The following PBX1 variants were observed in gnomAD, a reference collection of about 807,000 sequenced individuals.
PBX1 encodes PBX homeobox 1.
PBX1 carries 6 observed loss-of-function variants against 53.4 expected under a neutral mutation model. The ratio of observed to expected loss-of-function variants is 0.11; its 90% confidence interval spans 0.06 to 0.22. PBX1 has a LOEUF of 0.22. Ranked by LOEUF, PBX1 falls within the 10% of genes least tolerant of loss-of-function variation. PBX1 has a pLI of 1.00. For missense variants in PBX1, 251 were observed against 551.4 expected (o/e 0.46, Z 5.46); for synonymous variants, 204 against 212.3 (o/e 0.96, Z 0.34).
chr1:164,651,118 C>T (rs1178262213), intron 2 of PBX1, among the ~76,000 whole-genome samples: 1 of 152,186 alleles, frequency 6.6e-6, no homozygotes, highest in African/African-American at 2.4e-5. Context: ...CAACATTAAA[C>T]TGATAAATGA....
rs572796975 is a variant in PBX1, at chr1:164,835,584, T to A, written c.1201-11000T>A. On this transcript the variant is annotated intron_variant, in intron 8 of 8. Transcript: ENST00000420696. ...CTAGTGCGATTGAACATTTTTTATATGTTTATTGGCCTTTTGTACATATTC... is the reference window on the plus strand; with the variant it reads ...CTAGTGCGATTGAACATTTTTTATAAGTTTATTGGCCTTTTGTACATATTC... 2.0e-5 allele frequency among the ~76,000 whole-genome samples: 3 copies of A among 152,324 alleles called. No homozygotes were observed. The East Asian group carries it at 5.8e-4, about 29-fold the overall frequency.
chr1:164,849,280 T>C lies in PBX1; in HGVS notation c.*2604T>C. On this transcript the variant is annotated 3_prime_UTR_variant, in exon 9 of 9. Transcript: ENST00000420696. ...CTCTCCGGGCCGTAGTTTTCACTGATGATCACCTTTCACAGCATTTTCCCC... is the reference window on the plus strand; with the variant it reads ...CTCTCCGGGCCGTAGTTTTCACTGACGATCACCTTTCACAGCATTTTCCCC... 1.3e-6 allele frequency: 2 copies of C among 1,533,390 alleles called. No homozygotes were observed. Among genetic ancestry groups the C allele is most frequent in the Non-Finnish European group, 1.7e-6 (2 of 1,145,236 alleles). The allele number at this position is 1,533,390 out of a possible 1,614,324, so 95.0% of individuals were successfully genotyped here. A position where few individuals can be genotyped will look rare whatever the true frequency, so the allele number is the denominator to read the frequency against.
At chr1:164,732,005 C>T (rs1170264233) in intron 2 of PBX1, among the ~76,000 whole-genome samples, 2 of 152,094 alleles carry the variant, frequency 1.3e-5, no homozygotes, top group East Asian at 3.9e-4. Context: ...CAGTGGGCAG[C>T]CAGAAGAACA....
intron 2 of PBX1, among the ~76,000 whole-genome samples, chr1:164,590,787 C>G (rs1248509699): frequency 6.6e-6 from 1 of 151,832 alleles, no homozygotes; most frequent in Non-Finnish European, 1.5e-5. Context: ...GTTGAAGATT[C>G]AGGATATTAA....
intron 2 of PBX1, among the ~76,000 whole-genome samples, chr1:164,790,753 TTTTGCTGCCTGTTGGCAGCC>T (rs1668460164): frequency 1.3e-5 from 2 of 152,352 alleles, no homozygotes; most frequent in African/African-American, 2.4e-5. Flanking sequence ...GGGTTGGTTC[TTTTGCTGCCTGTTGGCAGCC>T]AGGAGCATGT....
At position 164,730,029 on chromosome 1, in the gene PBX1, A is replaced by G. The variant is rs191315434; in HGVS notation, c.266-62465A>G. Among the ~76,000 whole-genome samples, 30 of 152,278 alleles carry G rather than the reference A, an allele frequency of 2.0e-4. No homozygotes were observed. The East Asian group carries it at 5.6e-3, about 29-fold the overall frequency. On this transcript the variant is annotated intron_variant, in intron 2 of 8. Coordinates refer to ENST00000420696, the MANE Select transcript of PBX1 (RefSeq NM_002585.4). ...TGCCCCAGTGTTATATAGCTGGTAA[A>G]CAGCAGAGCCATTTATTGTTGGGGT...
intron 2 of PBX1, among the ~76,000 whole-genome samples, chr1:164,702,586 G>T (rs1345127033): frequency 6.6e-6 from 1 of 152,134 alleles, no homozygotes; most frequent in African/African-American, 2.4e-5. Context: ...CATGAACAGG[G>T]TGTCACGCAT....
At chr1:164,742,195 G>T (rs1244622202) in intron 2 of PBX1, among the ~76,000 whole-genome samples, 2 of 151,832 alleles carry the variant, frequency 1.3e-5, no homozygotes, top group Non-Finnish European at 1.5e-5. Context: ...GGCTTTTAAT[G>T]ACAGGGTATC....
intron 2 of PBX1, among the ~76,000 whole-genome samples, chr1:164,714,631 G>T (rs1363638738): frequency 1.3e-5 from 2 of 152,170 alleles, no homozygotes. Flanking sequence ...ATTCCTTTAG[G>T]TGGGACTTTA....
intron 2 of PBX1, among the ~76,000 whole-genome samples, chr1:164,879,901 C>T (rs764028940): frequency 1.2e-4 from 19 of 152,192 alleles, no homozygotes; most frequent in African/African-American, 2.2e-4. Context: ...CAAAAGCCTA[C>T]GCTGGGGGTG....
intron 2 of PBX1, chr1:164,626,111 T>C (rs1435418659): frequency 9.8e-7 from 1 of 1,024,358 alleles, no homozygotes; most frequent in Non-Finnish European, 1.2e-6. Flanking sequence ...GTGTTCGATA[T>C]CTTTGCAGGC....
At chr1:164,740,820 T>C (rs1361217696) in intron 2 of PBX1, among the ~76,000 whole-genome samples, 1 of 152,154 alleles carries the variant, frequency 6.6e-6, no homozygotes, top group Non-Finnish European at 1.5e-5. Flanking sequence ...AATGTAGATA[T>C]TTTGCTTAAT....
Position 164,848,281 on chromosome 1 carries a change from C to G in PBX1, c.*1605C>G, listed in dbSNP as rs1208979749. The G allele has an allele frequency of 9.5e-7, 1 of 1,056,062 alleles. No homozygotes were observed. The highest frequency in any genetic ancestry group is 1.7e-5 in the African/African-American group (1 of 60,596). 65.4% of individuals were successfully genotyped at this position (1,056,062 alleles called of 1,614,324 possible). On this transcript the variant is annotated 3_prime_UTR_variant, in exon 9 of 9. Transcript: ENST00000420696. ...TCACCATCTTCATAGCCAACCCTAC[C>G]AGTTATAAAGATGGCAGCTCTATCA...
At chr1:164,635,446 A>G (rs1658701966) in intron 2 of PBX1, among the ~76,000 whole-genome samples, 1 of 152,262 alleles carries the variant, frequency 6.6e-6, no homozygotes, top group African/African-American at 2.4e-5. Context: ...TACTTAAACC[A>G]GACCAAGATT....
intron 2 of PBX1, among the ~76,000 whole-genome samples, chr1:164,589,833 G>C (rs1655235362): frequency 1.3e-5 from 2 of 152,174 alleles, no homozygotes. Context: ...AGTTGAATTA[G>C]ATTTCTGTTC....
At chr1:164,700,780 T>C in intron 2 of PBX1, 1 of 965,030 alleles carries the variant, frequency 1.0e-6, no homozygotes, top group South Asian at 5.0e-5. Flanking sequence ...GTTGGGTTTC[T>C]ATGACTTTTT....
At chr1:164,625,972 T>C (rs1323763117) in intron 2 of PBX1, 3 of 1,040,672 alleles carry the variant, frequency 2.9e-6, no homozygotes, top group Non-Finnish European at 3.5e-6. Context: ...CATTGTTCTT[T>C]TTGGTGACTA....
At chr1:164,648,646 C>T (rs143163306) in intron 2 of PBX1, among the ~76,000 whole-genome samples, 3 of 152,282 alleles carry the variant, frequency 2.0e-5, no homozygotes, top group East Asian at 1.9e-4. Context: ...TAAGCTACCC[C>T]ACTCTTTCTA....
rs547067338 is a variant in PBX1, at chr1:164,880,155, T to G, written n.258-19033T>G. ...ACTTCCCTGCACCTTAAACTATACCTACACATCTCCTCATACCCCTATTCC... is the reference window on the plus strand; with the variant it reads ...ACTTCCCTGCACCTTAAACTATACCGACACATCTCCTCATACCCCTATTCC... On this transcript the variant is annotated intron_variant and non_coding_transcript_variant, in intron 2 of 2. Coordinates refer to the PBX1 transcript ENST00000558796. Among the ~76,000 whole-genome samples the G allele has an allele frequency of 2.0e-5, 3 of 152,310 alleles. No homozygotes were observed. The South Asian group carries it at 6.2e-4, about 32-fold the overall frequency.
Sources: gnomAD v4.1 joint callset for allele counts (sites outside exome capture counted in the v4.1 genomes callset) on GRCh38, gnomAD v4.1.1 for gene constraint, MANE v1.5 for transcripts, NCBI Gene and HGNC (gene_info 2026-07-23, HGNC 2026-07-21) for gene names.